SLC38A1: variants seen among roughly 807,000 people sequenced by gnomAD.
SLC38A1 encodes solute carrier family 38 member 1.
Under a neutral mutation model 60.3 loss-of-function variants are expected in SLC38A1, and 18 were observed. That is an observed-to-expected ratio of 0.30 (90% CI 0.21 to 0.44). SLC38A1 has a LOEUF of 0.44. Ranked by LOEUF, SLC38A1 falls within the 20% of genes least tolerant of loss-of-function variation. SLC38A1 has a pLI of 1.00. For synonymous variants in SLC38A1, 196 were observed against 212.1 expected (o/e 0.92, Z 0.66); for missense variants, 448 against 587.2 (o/e 0.76, Z 2.45).
At chr12:46,221,563 C>T (rs1940659964) in intron 5 of SLC38A1, among the ~76,000 whole-genome samples, 1 of 152,134 alleles carries the variant, frequency 6.6e-6, no homozygotes, top group Non-Finnish European at 1.5e-5. Context: ...ATAATGAAAG[C>T]CACTGTTTTG....
chr12:46,204,928 G>A (rs537792498), intron 9 of SLC38A1, among the ~76,000 whole-genome samples: 100 of 152,320 alleles, frequency 6.6e-4, no homozygotes, highest in African/African-American at 2.3e-3. Flanking sequence ...GTAAGTCTGT[G>A]TTGGTGGACC....
chr12:46,192,390 TTC>T (rs757297947), intron 16 of SLC38A1, among the ~76,000 whole-genome samples: 59 of 152,324 alleles, frequency 3.9e-4, no homozygotes, highest in Non-Finnish European at 8.4e-4. Flanking sequence ...TGGCCTAAAA[TTC>T]TCTTTTTTTG....
intron 5 of SLC38A1, among the ~76,000 whole-genome samples, chr12:46,226,905 C>T (rs1489950099): frequency 6.6e-6 from 1 of 152,134 alleles, no homozygotes; most frequent in Non-Finnish European, 1.5e-5. Flanking sequence ...TAGGCATGAG[C>T]CACTGTGCCC....
At chr12:46,251,813 C>T (rs966520655) in intron 1 of SLC38A1, among the ~76,000 whole-genome samples, 1 of 151,934 alleles carries the variant, frequency 6.6e-6, no homozygotes, top group South Asian at 2.1e-4. Flanking sequence ...GTTAGAATGG[C>T]GGTCATTTAA....
At chr12:46,204,623 T>A in intron 9 of SLC38A1, 33 bp from the exon 10 acceptor site, 1 of 1,530,860 alleles carries the variant, frequency 6.5e-7, no homozygotes, top group Non-Finnish European at 8.8e-7. Context: ...AATTATTTCA[T>A]TTTTTTCCAT....
chr12:46,206,220 C>G (rs1377573507), intron 8 of SLC38A1, 58 bp from the exon 9 acceptor site: 6 of 1,002,034 alleles, frequency 6.0e-6, no homozygotes. Context: ...TTTTTCCCCT[C>G]CAATGTAAAA....
intron 1 of SLC38A1, among the ~76,000 whole-genome samples, chr12:46,246,450 C>T (rs751314737): frequency 2.0e-5 from 3 of 152,222 alleles, no homozygotes; most frequent in Non-Finnish European, 4.4e-5. Context: ...AACCTGGCAG[C>T]GGAAGGGGTG....
chr12:46,192,294 T>C (rs1426454947), intron 16 of SLC38A1, among the ~76,000 whole-genome samples: 1 of 152,248 alleles, frequency 6.6e-6, no homozygotes, highest in South Asian at 2.1e-4. Flanking sequence ...GACTTGATCA[T>C]AGTGGATAAG....
intron 2 of SLC38A1, among the ~76,000 whole-genome samples, chr12:46,240,436 T>C (rs1220132451): frequency 6.6e-6 from 1 of 152,212 alleles, no homozygotes; most frequent in Non-Finnish European, 1.5e-5. Flanking sequence ...CCTCAGGTGA[T>C]CCGCCCTCCT....
chr12:46,225,047 C>A (rs933814446), intron 5 of SLC38A1, among the ~76,000 whole-genome samples: 1 of 152,098 alleles, frequency 6.6e-6, no homozygotes, highest in Non-Finnish European at 1.5e-5. Flanking sequence ...CTTGATATCC[C>A]AGTAAAAAGA....
At chr12:46,216,187 C>T (rs971224470) in intron 5 of SLC38A1, among the ~76,000 whole-genome samples, 2 of 152,174 alleles carry the variant, frequency 1.3e-5, no homozygotes, top group South Asian at 2.1e-4. Context: ...TCTCCACCAA[C>T]TCTCCCTGCT....
At chr12:46,250,581 A>G (rs1211016471) in intron 1 of SLC38A1, among the ~76,000 whole-genome samples, 1 of 152,260 alleles carries the variant, frequency 6.6e-6, no homozygotes, top group Non-Finnish European at 1.5e-5. Flanking sequence ...TTGTATATTT[A>G]GAAAACCCCT....
intron 14 of SLC38A1, among the ~76,000 whole-genome samples, chr12:46,198,330 T>C (rs937414375): frequency 2.6e-5 from 4 of 152,222 alleles, no homozygotes; most frequent in Non-Finnish European, 4.4e-5. Flanking sequence ...ATTTCTGTTC[T>C]TTTTATATTC....
intron 1 of SLC38A1, among the ~76,000 whole-genome samples, chr12:46,257,607 C>A (rs995212108): frequency 1.3e-5 from 2 of 152,030 alleles, no homozygotes; most frequent in Non-Finnish European, 2.9e-5. Flanking sequence ...TGTTACCAGA[C>A]CCCACCACTT....
intron 1 of SLC38A1, among the ~76,000 whole-genome samples, chr12:46,258,250 T>C (rs1471857213): frequency 6.6e-6 from 1 of 152,246 alleles, no homozygotes; most frequent in Non-Finnish European, 1.5e-5. Flanking sequence ...TGACTTAGAA[T>C]GCTTTAACCA....
At position 46,239,803 on chromosome 12, in the gene SLC38A1, T is replaced by C; in HGVS notation, c.-3A>G. 2 of 1,612,416 alleles carry C rather than the reference T, an allele frequency of 1.2e-6. No individual in the cohort carries two copies. Among genetic ancestry groups the C allele is most frequent in the Non-Finnish European group, 1.7e-6 (2 of 1,179,916 alleles). ...AGTCCACTTTTGAAATGCATCATGATTAGAAAGTGTCTGTAGTTTGAAAAT... is the reference window on the plus strand; with the variant it reads ...AGTCCACTTTTGAAATGCATCATGACTAGAAAGTGTCTGTAGTTTGAAAAT... On this transcript the variant is annotated 5_prime_UTR_variant, in exon 3 of 17. Transcript: ENST00000398637.
intron 1 of SLC38A1, among the ~76,000 whole-genome samples, chr12:46,252,514 A>G (rs1375791796): frequency 2.6e-5 from 4 of 151,876 alleles, no homozygotes; most frequent in African/African-American, 9.7e-5. Context: ...AAATATATAT[A>G]TTCATTCTTT....
At chr12:46,261,978 C>G (rs1942211008) in intron 1 of SLC38A1, among the ~76,000 whole-genome samples, 1 of 152,264 alleles carries the variant, frequency 6.6e-6, no homozygotes, top group African/African-American at 2.4e-5. Flanking sequence ...CACAGGACAG[C>G]CACACACAAC....
rs372526637 is a variant in SLC38A1 at position 46,229,617 on chromosome 12, T to C, written c.145A>G (p.Ser49Gly). ...TGGCTGTTTGTGAGACTTCTTCTAC[T>C]TTCACGATCAGAAATAAACTTGCTG... is the stretch of plus-strand genomic sequence containing the variant. Reference protein sequence around the residue: ...INSKFISDRESRRSLTNSHLE... With the variant: ...INSKFISDREGRRSLTNSHLE... The change falls in exon 4 of 17, where the codon AGT (serine) becomes GGT (glycine). Residue 49 changes from serine (S) to glycine (G), a missense_variant. Ser to Gly is a moderately conservative substitution (Grantham distance 56). Transcript: ENST00000398637. 3 of 1,613,724 alleles carry C rather than the reference T, an allele frequency of 1.9e-6. No homozygotes were observed. The highest frequency in any genetic ancestry group is 1.7e-6 in the Non-Finnish European group (2 of 1,179,832).
Sources: gnomAD v4.1 joint callset for allele counts (sites outside exome capture counted in the v4.1 genomes callset) on GRCh38, gnomAD v4.1.1 for gene constraint, MANE v1.5 for transcripts, NCBI Gene and HGNC (gene_info 2026-07-23, HGNC 2026-07-21) for gene names.